Variants in KIAA1217 observed in about 807,000 individuals in gnomAD.
The protein encoded by KIAA1217 is KIAA1217.
KIAA1217 carries 88 observed loss-of-function variants against 163.9 expected under a neutral mutation model. The ratio of observed to expected loss-of-function variants is 0.54; its 90% confidence interval spans 0.45 to 0.64. KIAA1217 has a LOEUF of 0.64. KIAA1217 is among the 30% of genes least tolerant of loss of function. The pLI is 0.00. For missense variants in KIAA1217, 2,372 were observed against 2,475.0 expected (o/e 0.96, Z 0.88); for synonymous variants, 903 against 923.1 (o/e 0.98, Z 0.39).
intron 1 of KIAA1217, among the ~76,000 whole-genome samples, chr10:23,712,067 G>A (rs1837292567): frequency 4.6e-5 from 7 of 152,074 alleles, no homozygotes; most frequent in Admixed American, 4.6e-4. Context: ...TCTCAATGGT[G>A]GACTCTTCTA....
intron 2 of KIAA1217, among the ~76,000 whole-genome samples, chr10:24,350,944 C>CTT: frequency 6.7e-6 from 1 of 148,322 alleles, no homozygotes; most frequent in Non-Finnish European, 1.5e-5. Flanking sequence ...GATTATGCAT[C>CTT]TTTTTTTTTT....
At chr10:24,193,916 G>A (rs894918282) in intron 2 of KIAA1217, among the ~76,000 whole-genome samples, 3 of 140,098 alleles carry the variant, frequency 2.1e-5, no homozygotes, top group African/African-American at 5.4e-5. Context: ...GGCCAGGTGC[G>A]GTGGTTCACA....
intron 14 of KIAA1217, among the ~76,000 whole-genome samples, chr10:24,530,772 C>A (rs532161519): frequency 6.6e-6 from 1 of 152,160 alleles, no homozygotes; most frequent in Non-Finnish European, 1.5e-5. Flanking sequence ...GTGGCACACA[C>A]CTGCAGTTCC....
chr10:24,119,627 T>C (rs1010236561), intron 2 of KIAA1217, among the ~76,000 whole-genome samples: 6 of 152,160 alleles, frequency 3.9e-5, no homozygotes, highest in African/African-American at 1.4e-4. Flanking sequence ...TTAAAGGATA[T>C]ACAGGTAATC....
chr10:23,713,443 T>C (rs892816918), intron 1 of KIAA1217, among the ~76,000 whole-genome samples: 16 of 152,184 alleles, frequency 1.1e-4, no homozygotes, highest in African/African-American at 3.9e-4. Context: ...TGGACCAAAA[T>C]GTTCTTCTCT....
chr10:23,756,557 T>A (rs1833932980), intron 1 of KIAA1217, among the ~76,000 whole-genome samples: 1 of 152,222 alleles, frequency 6.6e-6, no homozygotes, highest in African/African-American at 2.4e-5. Flanking sequence ...ATGATGCTCT[T>A]TATTCTTGCA....
At chr10:24,331,578 G>C (rs992890435) in intron 2 of KIAA1217, among the ~76,000 whole-genome samples, 5 of 152,342 alleles carry the variant, frequency 3.3e-5, no homozygotes, top group African/African-American at 1.2e-4. Flanking sequence ...TGAACAAAGC[G>C]TGGCTTGAAT....
At chr10:23,963,632 G>A (rs1844920048) in intron 1 of KIAA1217, among the ~76,000 whole-genome samples, 2 of 152,134 alleles carry the variant, frequency 1.3e-5, no homozygotes, top group African/African-American at 4.8e-5. Context: ...TATATACCCA[G>A]TAATGGGATT....
At chr10:23,793,481 G>A (rs10828546) in intron 1 of KIAA1217, among the ~76,000 whole-genome samples, 12,607 of 152,176 alleles carry the variant, frequency 0.083, 1,028 homozygotes, top group African/African-American at 0.2. Flanking sequence ...TTGTCTTCCA[G>A]TTCTGGTCCT....
chr10:24,294,433 G>T (rs2079473872), intron 2 of KIAA1217, among the ~76,000 whole-genome samples: 1 of 152,106 alleles, frequency 6.6e-6, no homozygotes, highest in Non-Finnish European at 1.5e-5. Context: ...ATCAAGACAG[G>T]GATTGAACAA....
At chr10:24,111,411 GAT>G (rs1157948216) in intron 2 of KIAA1217, among the ~76,000 whole-genome samples, 2 of 150,538 alleles carry the variant, frequency 1.3e-5, no homozygotes, top group African/African-American at 5.0e-5. Context: ...CGTAAAAAAA[GAT>G]ATCTCCGTCC....
chr10:24,303,769 T>C (rs1171093880), intron 2 of KIAA1217, among the ~76,000 whole-genome samples: 1 of 152,178 alleles, frequency 6.6e-6, no homozygotes, highest in Non-Finnish European at 1.5e-5. Flanking sequence ...CAAGGTCGTG[T>C]GTTGGCCGTC....
intron 1 of KIAA1217, among the ~76,000 whole-genome samples, chr10:23,932,753 T>C (rs1010583905): frequency 1.1e-4 from 16 of 152,338 alleles, no homozygotes; most frequent in African/African-American, 3.6e-4. Context: ...AAATAGATTA[T>C]ATTAATCATT....
intron 1 of KIAA1217, among the ~76,000 whole-genome samples, chr10:23,763,824 G>T (rs960374640): frequency 1.4e-4 from 21 of 151,868 alleles, no homozygotes; most frequent in African/African-American, 5.1e-4. Flanking sequence ...TGAGACTGGG[G>T]AATTGATAAA....
At chr10:24,221,937 T>C (rs2069710577) in intron 2 of KIAA1217, among the ~76,000 whole-genome samples, 1 of 152,142 alleles carries the variant, frequency 6.6e-6, no homozygotes, top group Admixed American at 6.6e-5. Flanking sequence ...CTCAGGAGAC[T>C]GAGGTGGGAA....
At chr10:23,699,906 C>T (rs1004541874) in intron 1 of KIAA1217, among the ~76,000 whole-genome samples, 8 of 152,202 alleles carry the variant, frequency 5.3e-5, no homozygotes, top group Non-Finnish European at 8.8e-5. Flanking sequence ...TTGCTCACTA[C>T]AGGTCTAAGA....
intron 2 of KIAA1217, among the ~76,000 whole-genome samples, chr10:24,201,635 T>G (rs1282664104): frequency 6.6e-6 from 1 of 152,148 alleles, no homozygotes; most frequent in Admixed American, 6.5e-5. Context: ...TTAGTCCTTC[T>G]GTATTAAAAC....
At chr10:23,987,477 T>G (rs1846030374) in intron 1 of KIAA1217, among the ~76,000 whole-genome samples, 1 of 152,078 alleles carries the variant, frequency 6.6e-6, no homozygotes, top group African/African-American at 2.4e-5. Context: ...GTGTAATAAT[T>G]TCATTATTTA....
intron 2 of KIAA1217, among the ~76,000 whole-genome samples, chr10:24,237,366 G>A (rs1301212531): frequency 6.6e-6 from 1 of 152,146 alleles, no homozygotes; most frequent in Non-Finnish European, 1.5e-5. Flanking sequence ...TTTCTCTTGG[G>A]TTTACCTCTG....
Sources: gnomAD v4.1 joint callset for allele counts (sites outside exome capture counted in the v4.1 genomes callset) on GRCh38, gnomAD v4.1.1 for gene constraint, MANE v1.5 for transcripts, NCBI Gene and HGNC (gene_info 2026-07-23, HGNC 2026-07-21) for gene names.